The following SH3TC1 variants were observed in gnomAD, a reference collection of about 807,000 sequenced individuals.
SH3TC1 encodes the protein SH3 domain and tetratricopeptide repeats 1.
Under a neutral mutation model 117.3 loss-of-function variants are expected in SH3TC1, and 135 were observed. The ratio of observed to expected loss-of-function variants is 1.15; its 90% CI spans 1.00 to 1.33. The LOEUF (loss-of-function observed/expected upper bound fraction) is 1.33, where lower values mean the gene tolerates loss of function less well. SH3TC1 is among the 40% of genes most tolerant of loss of function. SH3TC1 has a pLI of 0.00. For synonymous variants in SH3TC1, 898 were observed against 816.9 expected, an observed-to-expected ratio of 1.10 and a Z score of -1.69; for missense variants, 2,092 against 1,794.3, an observed-to-expected ratio of 1.17 and a Z score of -3.00.
chr4:8,198,018 G>A (rs1274451974), upstream of SH3TC1, among the ~76,000 whole-genome samples: 1 of 152,110 alleles, frequency 6.6e-6, no homozygotes, highest in African/African-American at 2.4e-5. Flanking sequence ...GCTATGTTTG[G>A]CTGCTATGAT....
chr4:8,185,260 C>T (rs186571145), intron 1 of SH3TC1, among the ~76,000 whole-genome samples: 12 of 151,990 alleles, frequency 7.9e-5, no homozygotes, highest in Admixed American at 7.2e-4. Context: ...CACTTGAACC[C>T]GGGATGCGGA....
chr4:8,194,455 G>C (rs1435362362), upstream of SH3TC1, among the ~76,000 whole-genome samples: 2 of 152,152 alleles, frequency 1.3e-5, no homozygotes, highest in Non-Finnish European at 2.9e-5. Context: ...TGAGCAGCCA[G>C]ACCCTGGGAT....
chr4:8,205,016 G>C lies in SH3TC1; in HGVS notation c.-28-151G>C, dbSNP rs1056854937. Reference sequence around the variant, plus strand: ...TGCGGGATCACGCCCACCACAACACGGTGCACGGTGCGGTGAGGGGCTCGC... The same window carrying C: ...TGCGGGATCACGCCCACCACAACACCGTGCACGGTGCGGTGAGGGGCTCGC... On this transcript the variant is annotated intron_variant, in intron 1 of 17. Coordinates refer to ENST00000245105, the MANE Select transcript of SH3TC1 (RefSeq NM_018986.5). The surrounding 1 kb of genome is among the most constrained non-coding windows in gnomAD (Gnocchi z 5.4). 1.1e-5 allele frequency: 6 copies of C among 543,060 alleles called. No individual in the cohort carries two copies. In the African/African-American group the frequency reaches 1.2e-4, roughly 11 times the overall value. 33.6% of individuals were successfully genotyped at this position (543,060 alleles called of 1,614,324 possible).
At chr4:8,207,291 G>C (rs776839898) in intron 2 of SH3TC1, among the ~76,000 whole-genome samples, 33 of 152,214 alleles carry the variant, frequency 2.2e-4, no homozygotes, top group Non-Finnish European at 4.7e-4. Flanking sequence ...TTTCTTCAGT[G>C]CAGACGATGT....
rs775728774 is a variant in SH3TC1 at position 8,227,869 on chromosome 4, G to A, written c.2175G>A (p.Leu725=). 2 of 1,612,840 alleles carry A rather than the reference G, an allele frequency of 1.2e-6. No homozygotes were observed. Among genetic ancestry groups the A allele is most frequent in the Admixed American group, 3.3e-5 (2 of 60,034 alleles). Residue 725 remains leucine (L), a synonymous_variant, in exon 12 of 18, where the codon CTG becomes CTA. Transcript: ENST00000245105. ...DIYSRKCLPH[L]VLSCVKVASL... ...ACAGCCGCAAGTGCCTGCCCCACCT[G>A]GTGCTGAGCTGTGTCAAGGTGGCCT...
intron 1 of SH3TC1, among the ~76,000 whole-genome samples, chr4:8,191,667 A>AC (rs1270715323): frequency 6.6e-6 from 1 of 152,122 alleles, no homozygotes; most frequent in African/African-American, 2.4e-5. Context: ...GCCCGGATAC[A>AC]CCCGTCCTCA....
chr4:8,207,356 G>C (rs1242779176), intron 2 of SH3TC1, among the ~76,000 whole-genome samples: 1 of 152,244 alleles, frequency 6.6e-6, no homozygotes, highest in Non-Finnish European at 1.5e-5. Context: ...AGGGGCGGCT[G>C]CCAGTTCTCC....
At chr4:8,217,219 C>A in intron 7 of SH3TC1, 52 bp downstream of exon 7, 1 of 1,548,962 alleles carries the variant, frequency 6.5e-7, no homozygotes, top group East Asian at 2.4e-5. Flanking sequence ...CTGAGACTCC[C>A]AGGCCCGGGT....
At chr4:8,182,743 C>T (rs1025983005) in intron 1 of SH3TC1, among the ~76,000 whole-genome samples, 19 of 152,318 alleles carry the variant, frequency 1.2e-4, no homozygotes, top group Middle Eastern at 3.4e-3. Context: ...CCCTGGAGGA[C>T]GCAGGAGCCC....
rs570542806 is a variant in SH3TC1, at chr4:8,209,386, C to T, written c.173-362C>T. ...GCGGCCACAAGCCGAGGGACGTGTG[C>T]GGCCTCTTGAAGGCGAGGAGTGGAT... On this transcript the variant is annotated intron_variant, in intron 2 of 17. Coordinates refer to ENST00000245105, the MANE Select transcript of SH3TC1 (RefSeq NM_018986.5). The surrounding 1 kb of genome is among the most constrained non-coding windows in gnomAD (Gnocchi z 5.9). Among the ~76,000 whole-genome samples, 1 of 152,274 alleles carries T rather than the reference C, an allele frequency of 6.6e-6. No homozygotes were observed. Among genetic ancestry groups the T allele is most frequent in the East Asian group, 1.9e-4 (1 of 5,180 alleles).
At chr4:8,222,133 G>T (rs1719975474) in intron 9 of SH3TC1, among the ~76,000 whole-genome samples, 1 of 152,044 alleles carries the variant, frequency 6.6e-6, no homozygotes, top group East Asian at 1.9e-4. Flanking sequence ...GAGCACTGAG[G>T]TTGTACAGAA....
intron 8 of SH3TC1, 58 bp from the exon 9 acceptor site, chr4:8,219,277 G>A: frequency 1.3e-6 from 2 of 1,484,422 alleles, no homozygotes; most frequent in Non-Finnish European, 1.8e-6. Context: ...GGCCCTGTCT[G>A]CCCGCTCTGG....
chr4:8,214,447 T>C (rs1322200203), intron 4 of SH3TC1, 28 bp from the exon 5 acceptor site: 1 of 1,605,966 alleles, frequency 6.2e-7, no homozygotes, highest in Non-Finnish European at 8.5e-7. Context: ...CCTGGGGACC[T>C]CTCGAATTCC....
chr4:8,203,543 C>T (rs1464565582), intron 1 of SH3TC1, among the ~76,000 whole-genome samples: 2 of 152,042 alleles, frequency 1.3e-5, no homozygotes, highest in Non-Finnish European at 2.9e-5. Context: ...TCCATCTGTG[C>T]TTGATGTATG....
In SH3TC1 at chr4:8,231,984, C is replaced by A. The variant is rs184645433; in HGVS notation, c.2959C>A (p.Arg987=). Residue 987 remains arginine (R), a synonymous_variant, in exon 13 of 18, where the codon CGG becomes AGG. Transcript: ENST00000245105. ...VEMGHVESQL[R]AVQRLCHFYS... ...TTTTGTCTTCTGCCCAGGCCAGCTGCGGGCCGTCCAGCGGCTGTGCCACTT... is the reference window on the plus strand; with the variant it reads ...TTTTGTCTTCTGCCCAGGCCAGCTGAGGGCCGTCCAGCGGCTGTGCCACTT... The A allele has an allele frequency of 6.2e-7, 1 of 1,611,458 alleles. No homozygotes were observed. The highest frequency in any genetic ancestry group is 1.1e-5 in the South Asian group (1 of 91,070).
intron 2 of SH3TC1, among the ~76,000 whole-genome samples, chr4:8,208,644 C>A (rs748361843): frequency 6.6e-6 from 1 of 152,210 alleles, no homozygotes; most frequent in Non-Finnish European, 1.5e-5. Context: ...TGAGCCACTG[C>A]GCCCGGCCCA....
intron 1 of SH3TC1, among the ~76,000 whole-genome samples, chr4:8,193,534 C>G (rs1427409832): frequency 6.6e-6 from 1 of 152,216 alleles, no homozygotes; most frequent in Non-Finnish European, 1.5e-5. Flanking sequence ...TTCAGGAAGC[C>G]TTCCTTGATT....
At chr4:8,195,453 A>G (rs114475978), upstream of SH3TC1, among the ~76,000 whole-genome samples, 13,176 of 152,192 alleles carry the variant, frequency 0.087, 867 homozygotes, top group Non-Finnish European at 0.13. Context: ...AGGCTCAGGC[A>G]CCTTCCTCTA....
rs1717146441 is a variant in SH3TC1, at chr4:8,183,717, C to T, written c.-57+1507C>T. ...GCGGCCTCTATGATTAGCATCTCAC[C>T]TTGGTATGGTACATTTGTCATAACT... On this transcript the variant is annotated intron_variant, in intron 1 of 16. Transcript: ENST00000508641. The surrounding 1 kb of genome is among the most constrained non-coding windows in gnomAD (Gnocchi z 5.4). Among the ~76,000 whole-genome samples the T allele has an allele frequency of 6.6e-6, 1 of 152,224 alleles. No individual in the cohort carries two copies. The highest frequency in any genetic ancestry group is 2.4e-5 in the African/African-American group (1 of 41,462).
Sources: allele counts gnomAD v4.1 joint callset (sites outside exome capture counted in the v4.1 genomes callset), GRCh38; gene constraint gnomAD v4.1.1; non-coding constraint Gnocchi (gnomAD v3.1); transcripts MANE v1.5; gene names NCBI Gene and HGNC (gene_info 2026-07-23, HGNC 2026-07-21).